Variants in DPP4 observed in about 807,000 individuals in gnomAD.
The protein encoded by DPP4 is ADCP-2.
Under a neutral mutation model 122.4 loss-of-function variants are expected in DPP4, and 93 were observed. The ratio of observed to expected loss-of-function variants is 0.76; its 90% CI spans 0.64 to 0.90. The LOEUF is 0.90. Ranked by LOEUF, DPP4 falls within the 40% of genes least tolerant of loss-of-function variation. The probability of loss-of-function intolerance (pLI) is 0.00; values close to 1 mark genes in which losing one functional copy is unlikely to be tolerated. For synonymous variants in DPP4, 321 were observed against 302.9 expected (o/e 1.06, Z -0.62); for missense variants, 914 against 907.3 (o/e 1.01, Z -0.09).
rs201505325 is a variant in DPP4, at chr2:162,020,628, T to G, written c.1129A>C (p.Asn377His). The G allele has an allele frequency of 1.9e-6, 3 of 1,613,086 alleles. No individual in the cohort carries two copies. The highest frequency in any genetic ancestry group is 2.5e-6 in the Non-Finnish European group (3 of 1,179,746). The change falls in exon 13 of 26, where the codon AAT becomes CAT. Residue 377 changes from asparagine to histidine, a missense_variant. Asn to His is a moderately conservative substitution (Grantham distance 68). Coordinates refer to ENST00000360534, the MANE Select transcript of DPP4 (RefSeq NM_001935.4). The stretch of plus-strand genomic sequence containing the variant: ...CAAATGTGTCTGTAACCTTCTTCAT[T>G]GCTGATGATCTTGTAGAAGCTATTA... ...DGNSFYKIIS[N>H]EEGYRHICYF...
intron 2 of DPP4, among the ~76,000 whole-genome samples, chr2:162,056,590 T>C (rs908484355): frequency 6.6e-6 from 1 of 152,190 alleles, no homozygotes; most frequent in Admixed American, 6.5e-5. Flanking sequence ...CCTTTGCTCA[T>C]TACTGGGTGC....
At chr2:162,057,837 A>G (rs912919444) in intron 2 of DPP4, among the ~76,000 whole-genome samples, 2 of 152,112 alleles carry the variant, frequency 1.3e-5, no homozygotes, top group Non-Finnish European at 2.9e-5. Context: ...CAGTGGCACA[A>G]TCTTGGCTCA....
intron 23 of DPP4, among the ~76,000 whole-genome samples, chr2:162,005,223 G>A (rs1479332564): frequency 6.6e-6 from 1 of 152,160 alleles, no homozygotes. Flanking sequence ...CAGCCTGTTG[G>A]ATGCTATTCA....
chr2:162,062,133 T>G (rs1684795985), intron 2 of DPP4, among the ~76,000 whole-genome samples: 1 of 146,440 alleles, frequency 6.8e-6, no homozygotes, highest in Non-Finnish European at 1.5e-5. Context: ...AAAAAAAAAA[T>G]TAGCTGGGCG....
At chr2:162,007,296 G>C (rs753799247) in intron 22 of DPP4, among the ~76,000 whole-genome samples, 4 of 152,026 alleles carry the variant, frequency 2.6e-5, no homozygotes, top group Non-Finnish European at 5.9e-5. Flanking sequence ...TTTTCCCCTA[G>C]GTAGCTGCAG....
At chr2:162,050,066 C>G (rs1442023559) in intron 2 of DPP4, among the ~76,000 whole-genome samples, 2 of 152,108 alleles carry the variant, frequency 1.3e-5, no homozygotes, top group Non-Finnish European at 2.9e-5. Context: ...AACCTTCAAA[C>G]AAGGAGTAAA....
At chr2:162,041,205 AT>A (rs1237027699) in intron 5 of DPP4, among the ~76,000 whole-genome samples, 1 of 152,154 alleles carries the variant, frequency 6.6e-6, no homozygotes, top group Non-Finnish European at 1.5e-5. Context: ...TTTATGAAAT[AT>A]TATGTCTGAA....
At chr2:162,073,339 T>A in intron 2 of DPP4, 60 bp downstream of exon 2, 1 of 1,563,698 alleles carries the variant, frequency 6.4e-7, no homozygotes, top group Non-Finnish European at 8.8e-7. Context: ...CTTAGCGTGG[T>A]AAGACGGAGC....
chr2:162,020,704 G>T lies in DPP4; in HGVS notation c.1069-16C>A. On this transcript the variant is annotated splice_polypyrimidine_tract_variant and intron_variant, in intron 12 of 25. Coordinates refer to ENST00000360534, the MANE Select transcript of DPP4 (RefSeq NM_001935.4). ...AAGGCCTAAACTAGAAAATAATAGA[G>T]AACAAAAGAACATTAAAGCACAGTG... 1.3e-6 allele frequency: 2 copies of T among 1,569,988 alleles called. No individual in the cohort carries two copies. The highest frequency in any genetic ancestry group is 1.7e-6 in the Non-Finnish European group (2 of 1,148,700).
intron 12 of DPP4, among the ~76,000 whole-genome samples, chr2:162,022,489 G>A (rs1683166163): frequency 6.6e-6 from 1 of 152,190 alleles, no homozygotes; most frequent in Non-Finnish European, 1.5e-5. Flanking sequence ...TTAACTTGCT[G>A]GGAGTTACAA....
At chr2:162,068,537 G>A (rs2080714) in intron 2 of DPP4, among the ~76,000 whole-genome samples, 1 of 152,058 alleles carries the variant, frequency 6.6e-6, no homozygotes, top group South Asian at 2.1e-4. Flanking sequence ...ATTGTATCAG[G>A]GTTGGTCTGT....
At chr2:162,047,109 G>T in intron 3 of DPP4, 103 bp from the exon 4 acceptor site, 2 of 633,170 alleles carry the variant, frequency 3.2e-6, no homozygotes, top group Non-Finnish European at 2.8e-6. Flanking sequence ...TACCAAATAG[G>T]CATTTCTAAG....
intron 10 of DPP4, among the ~76,000 whole-genome samples, chr2:162,025,637 T>C (rs897448454): frequency 1.3e-5 from 2 of 152,172 alleles, no homozygotes; most frequent in African/African-American, 4.8e-5. Context: ...TTCTGATTTA[T>C]AGTGAAGTGC....
chr2:162,071,694 C>G (rs901120668), intron 2 of DPP4, among the ~76,000 whole-genome samples: 3 of 152,126 alleles, frequency 2.0e-5, no homozygotes, highest in African/African-American at 7.2e-5. Context: ...TCAGGAAGTC[C>G]TCCTCAAGAG....
At chr2:162,073,557 C>T in intron 1 of DPP4, 71 bp from the exon 2 acceptor site, 17 of 1,499,954 alleles carry the variant, frequency 1.1e-5, no homozygotes, top group Middle Eastern at 2.2e-4. Flanking sequence ...AGGGTCGGGG[C>T]TGCTCCAGAG....
At chr2:162,009,104 CAG>C (rs933932367) in intron 21 of DPP4, 135 bp downstream of exon 21, 14 of 851,322 alleles carry the variant, frequency 1.6e-5, no homozygotes, top group South Asian at 4.6e-5. Context: ...GGAGATTCTG[CAG>C]AGTTACTGCC....
chr2:162,005,244 T>TAC, intron 23 of DPP4, among the ~76,000 whole-genome samples: 1 of 152,276 alleles, frequency 6.6e-6, no homozygotes, highest in Admixed American at 6.5e-5. Context: ...GTGATTTAGG[T>TAC]TTAGGGCTTT....
chr2:162,047,382 C>T (rs200265079), intron 3 of DPP4, 21 bp downstream of exon 3: 3 of 1,445,096 alleles, frequency 2.1e-6, no homozygotes, highest in South Asian at 1.4e-5. Flanking sequence ...TAAAATCTGC[C>T]CTACCCCAAA....
At chr2:162,073,516 G>A in intron 1 of DPP4, 30 bp from the exon 2 acceptor site, 1 of 1,608,714 alleles carries the variant, frequency 6.2e-7, no homozygotes, top group South Asian at 1.1e-5. Flanking sequence ...AGTCCAATTA[G>A]AGGGAAGCGT....
Sources: gnomAD v4.1 joint callset for allele counts (sites outside exome capture counted in the v4.1 genomes callset) on GRCh38, gnomAD v4.1.1 for gene constraint, MANE v1.5 for transcripts, NCBI Gene and HGNC (gene_info 2026-07-23, HGNC 2026-07-21) for gene names.